Variants in NLGN4X observed in about 807,000 individuals in gnomAD.
NLGN4X encodes the protein neuroligin 4 X-linked.
A neutral mutation model predicts 40.3 loss-of-function variants in NLGN4X; 3 were observed. The ratio of observed to expected loss-of-function variants is 0.07; its 90% CI spans 0.03 to 0.19. NLGN4X has a LOEUF of 0.19. NLGN4X is among the 10% of genes least tolerant of loss of function. The pLI is 1.00. For synonymous variants in NLGN4X, 270 were observed against 306.8 expected, an observed-to-expected ratio of 0.88 and a Z score of 1.25; for missense variants, 382 against 708.3, an observed-to-expected ratio of 0.54 and a Z score of 5.23.
chrX:5,930,119 T>C (rs998871006), intron 3 of NLGN4X, among the ~76,000 whole-genome samples: 2 of 112,038 alleles, frequency 1.8e-5, no homozygotes, highest in African/African-American at 6.5e-5. Flanking sequence ...TTCTGTTTTT[T>C]CAAATGCTAA....
intron 3 of NLGN4X, among the ~76,000 whole-genome samples, chrX:5,913,049 G>A (rs866059203): frequency 9.5e-5 from 8 of 84,647 alleles, no homozygotes; most frequent in African/African-American, 3.0e-4. Context: ...GAGGGAGGGA[G>A]GGAAGGAAGG....
chrX:5,928,278 A>G (rs5961383), intron 3 of NLGN4X, among the ~76,000 whole-genome samples: 3,021 of 112,529 alleles, frequency 0.027, 102 homozygotes, highest in African/African-American at 0.092. Context: ...TTTGTTTAGT[A>G]TCTTCCTTCT....
chrX:6,060,789 G>A, intron 2 of NLGN4X, among the ~76,000 whole-genome samples: 1 of 111,763 alleles, frequency 8.9e-6, no homozygotes. Context: ...AATAATGATA[G>A]GAACCCAATA....
intron 3 of NLGN4X, among the ~76,000 whole-genome samples, chrX:6,010,513 T>TATTATTATTATTATTATTATTA (rs1555947641): frequency 1.0e-5 from 1 of 95,413 alleles, no homozygotes; most frequent in Non-Finnish European, 2.1e-5. Flanking sequence ...TTCTTTTTAT[T>TATTATTATTATTATTATTATTA]TTATTATTAT....
intron 2 of NLGN4X, among the ~76,000 whole-genome samples, chrX:6,073,021 T>A (rs1357981479): frequency 8.9e-6 from 1 of 112,656 alleles, no homozygotes; most frequent in African/African-American, 3.2e-5. Context: ...TCTGAAATTA[T>A]GCCTCAATCC....
chrX:6,047,482 A>C (rs895464823), intron 2 of NLGN4X, among the ~76,000 whole-genome samples: 1 of 111,632 alleles, frequency 9.0e-6, no homozygotes, highest in Non-Finnish European at 1.9e-5. Context: ...TCTCAAAAAC[A>C]AAACAAAATT....
chrX:5,949,633 GAAGT>G (rs1331704602), intron 3 of NLGN4X, among the ~76,000 whole-genome samples: 10 of 111,847 alleles, frequency 8.9e-5, no homozygotes, highest in Non-Finnish European at 1.7e-4. Context: ...AATTTCTACA[GAAGT>G]AATAAGAATA....
In NLGN4X at chrX:5,890,844, T is replaced by A; in HGVS notation, c.*1973A>T. The A allele has an allele frequency of 3.2e-6, 1 of 315,248 alleles. No homozygotes were observed. The highest frequency in any genetic ancestry group is 2.8e-5 in the South Asian group (1 of 35,215). 26.0% of individuals were successfully genotyped at this position (315,248 alleles called of 1,213,427 possible). A position where few individuals can be genotyped will look rare whatever the true frequency, so the allele number is the denominator to read the frequency against. On this transcript the variant is annotated 3_prime_UTR_variant, in exon 6 of 6. Coordinates refer to ENST00000381095, the MANE Select transcript of NLGN4X (RefSeq NM_181332.3). Reference sequence around the variant, plus strand: ...CGCATTTCTAAAAACACTTTTCTTTTTTCTAGAGGTCACTCTCAAACACTG... The same window carrying A: ...CGCATTTCTAAAAACACTTTTCTTTATTCTAGAGGTCACTCTCAAACACTG...
chrX:6,050,050 A>G (rs2037441473), intron 2 of NLGN4X, among the ~76,000 whole-genome samples: 1 of 111,794 alleles, frequency 8.9e-6, no homozygotes, highest in African/African-American at 3.3e-5. Flanking sequence ...GGTGGCAGAG[A>G]ATCTATCTTT....
chrX:6,225,154 C>T (rs771246112), intron 1 of NLGN4X, among the ~76,000 whole-genome samples: 21 of 105,114 alleles, frequency 2.0e-4, no homozygotes, highest in South Asian at 4.6e-4. Flanking sequence ...TTGCAGAGTT[C>T]TCCATGAAAT....
Position 5,950,183 on chromosome X carries a change from C to T in NLGN4X, c.626-40944G>A, listed in dbSNP as rs180927182. ...GGCAGGAAGAATGCATTTTCTAGCA[C>T]TGTGTTTTCCAAAATGCTAGCCAAT... On this transcript the variant is annotated intron_variant, in intron 3 of 5. Coordinates refer to ENST00000381095, the MANE Select transcript of NLGN4X (RefSeq NM_181332.3). Among the ~76,000 whole-genome samples the T allele has an allele frequency of 9.0e-5, 10 of 111,633 alleles. No homozygotes were observed. The East Asian group carries it at 2.8e-3, about 32-fold the overall frequency.
At chrX:5,954,074 G>A (rs181408673) in intron 3 of NLGN4X, among the ~76,000 whole-genome samples, 85 of 111,558 alleles carry the variant, frequency 7.6e-4, no homozygotes, top group Non-Finnish European at 1.4e-3. Context: ...ATTCTGCCAG[G>A]GATTCCAGGA....
At chrX:5,916,529 A>C (rs753389867) in intron 3 of NLGN4X, among the ~76,000 whole-genome samples, 4 of 111,394 alleles carry the variant, frequency 3.6e-5, no homozygotes, top group Non-Finnish European at 7.5e-5. Flanking sequence ...AGCTCACTAC[A>C]ACCTCTGCCT....
chrX:6,069,932 C>G (rs149574775), intron 2 of NLGN4X, among the ~76,000 whole-genome samples: 2,464 of 111,664 alleles, frequency 0.022, 62 homozygotes, highest in African/African-American at 0.072. Context: ...CACTTTAATA[C>G]CAACAGATCA....
intron 2 of NLGN4X, among the ~76,000 whole-genome samples, chrX:6,065,828 T>G (rs748639430): frequency 4.5e-5 from 5 of 112,158 alleles, no homozygotes; most frequent in Non-Finnish European, 9.4e-5. Context: ...TATACTATGT[T>G]ATTTTTTAAG....
intron 3 of NLGN4X, among the ~76,000 whole-genome samples, chrX:5,991,163 C>T (rs1468508498): frequency 9.0e-6 from 1 of 111,364 alleles, no homozygotes; most frequent in Non-Finnish European, 1.9e-5. Flanking sequence ...ATGTGGCCGC[C>T]TTCTCCCTGT....
chrX:5,925,402 C>T (rs188419155), intron 3 of NLGN4X, among the ~76,000 whole-genome samples: 9 of 111,699 alleles, frequency 8.1e-5, no homozygotes, highest in South Asian at 3.8e-4. Context: ...TTTCTTACAT[C>T]GTTAATTCCT....
intron 3 of NLGN4X, among the ~76,000 whole-genome samples, chrX:5,995,350 G>A (rs929493387): frequency 4.4e-5 from 5 of 112,701 alleles, no homozygotes; most frequent in African/African-American, 6.5e-5. Flanking sequence ...TATCAAAACA[G>A]CTAGAACTTG....
chrX:5,892,853 T>A lies in NLGN4X; in HGVS notation c.2415A>T (p.Thr805=), dbSNP rs752745113. 7.4e-6 allele frequency: 9 copies of A among 1,211,260 alleles called. No individual in the cohort carries two copies. The East Asian group carries it at 2.7e-4, about 36-fold the overall frequency. The change falls in exon 6 of 6, where the codon ACA becomes ACT. Residue 805 remains threonine, a synonymous_variant. Coordinates refer to ENST00000381095, the MANE Select transcript of NLGN4X (RefSeq NM_181332.3). ...TGGTGGAATGTCCGTGGGGTAAATT[T>A]GTACTGTTTTGTCCTCCACTGAAGG... ...FNTFSGGQNS[T]NLPHGHSTTR...
Sources: allele counts gnomAD v4.1 joint callset (sites outside exome capture counted in the v4.1 genomes callset), GRCh38; gene constraint gnomAD v4.1.1; transcripts MANE v1.5; gene names NCBI Gene and HGNC (gene_info 2026-07-23, HGNC 2026-07-21).